Variants in GAPVD1 observed in about 807,000 individuals in gnomAD.
GAPVD1 encodes the protein GTPase activating protein and VPS9 domains 1, also known as GTPase-activating protein and VPS9 domain-containing protein 1.
A neutral mutation model predicts 155.5 loss-of-function variants in GAPVD1; 35 were observed. The ratio of observed to expected loss-of-function variants is 0.23; its 90% CI spans 0.17 to 0.30. The LOEUF is 0.30. Among genes scored for constraint, GAPVD1 ranks in the 10% least tolerant of loss-of-function variants. The probability of loss-of-function intolerance (pLI) is 1.00; values close to 1 mark genes in which losing one functional copy is unlikely to be tolerated. For missense variants in GAPVD1, 1,429 were observed against 1,775.7 expected (o/e 0.80, Z 3.51); for synonymous variants, 636 against 619.7 (o/e 1.03, Z -0.39).
intron 9 of GAPVD1, among the ~76,000 whole-genome samples, chr9:125,314,438 C>T (rs978244143): frequency 1.3e-5 from 2 of 152,038 alleles, no homozygotes; most frequent in Non-Finnish European, 2.9e-5. Context: ...GGTGGATCCC[C>T]CGAGGTCAGG....
At chr9:125,285,453 G>GTTTTTTTTTTTTT (rs10659223) in intron 2 of GAPVD1, among the ~76,000 whole-genome samples, 3 of 94,686 alleles carry the variant, frequency 3.2e-5, no homozygotes, top group Non-Finnish European at 4.0e-5. Flanking sequence ...TTTTTTCTTT[G>GTTTTTTTTTTTTT]TTTTTTTTTT....
intron 17 of GAPVD1, among the ~76,000 whole-genome samples, chr9:125,337,966 C>T (rs1382289574): frequency 6.6e-6 from 1 of 152,192 alleles, no homozygotes; most frequent in Non-Finnish European, 1.5e-5. Context: ...ACCTCCGCCT[C>T]CCAGGTTCAA....
Position 125,303,528 on chromosome 9 carries a change from G to T in GAPVD1, c.1029+702G>T, listed in dbSNP as rs1197465347. Reference sequence around the variant, plus strand: ...GCGGTGGCTTACGCCTGTAATCCCAGCACTTTGGGAGGCCGAGGCGGGCGG... The same window carrying T: ...GCGGTGGCTTACGCCTGTAATCCCATCACTTTGGGAGGCCGAGGCGGGCGG... On this transcript the variant is annotated intron_variant, in intron 5 of 27. Transcript: ENST00000297933. 2.6e-5 allele frequency among the ~76,000 whole-genome samples: 4 copies of T among 151,732 alleles called. No homozygotes were observed. The East Asian group carries it at 7.8e-4, about 30-fold the overall frequency.
At chr9:125,347,932 T>G (rs1194114315) in intron 20 of GAPVD1, among the ~76,000 whole-genome samples, 1 of 152,118 alleles carries the variant, frequency 6.6e-6, no homozygotes, top group Admixed American at 6.5e-5. Context: ...AGCAGAAGAA[T>G]TGAAAGAATA....
intron 2 of GAPVD1, among the ~76,000 whole-genome samples, chr9:125,271,530 C>T (rs886524165): frequency 5.3e-5 from 8 of 151,918 alleles, no homozygotes; most frequent in African/African-American, 9.7e-5. Flanking sequence ...TTATATTTTT[C>T]GGACTTAGAT....
chr9:125,316,345 A>G (rs553613978), intron 9 of GAPVD1, among the ~76,000 whole-genome samples: 50 of 152,116 alleles, frequency 3.3e-4, no homozygotes, highest in African/African-American at 1.1e-3. Flanking sequence ...TACCCCTGCG[A>G]CAGGCCCCAG....
chr9:125,350,958 A>G (rs1849209746), intron 23 of GAPVD1, 86 bp downstream of exon 23: 1 of 1,074,934 alleles, frequency 9.3e-7, no homozygotes, highest in East Asian at 2.4e-5. Context: ...AAATGAATCT[A>G]GGCTTCCTAC....
intron 2 of GAPVD1, among the ~76,000 whole-genome samples, chr9:125,290,097 A>G (rs1304613312): frequency 2.6e-5 from 4 of 152,170 alleles, no homozygotes; most frequent in African/African-American, 9.7e-5. Flanking sequence ...ATTGTTGAAC[A>G]CTAGTAGTTT....
intron 9 of GAPVD1, among the ~76,000 whole-genome samples, chr9:125,317,710 A>G (rs1278237023): frequency 1.3e-5 from 2 of 151,898 alleles, no homozygotes; most frequent in African/African-American, 4.8e-5. Flanking sequence ...AAGACTTTAA[A>G]TCAATTTTTT....
At chr9:125,338,116 C>T (rs369370096) in intron 17 of GAPVD1, among the ~76,000 whole-genome samples, 59 of 152,266 alleles carry the variant, frequency 3.9e-4, no homozygotes, top group South Asian at 1.9e-3. Flanking sequence ...CCTTGTGATC[C>T]GCCTGCCTTG....
chr9:125,318,070 C>T (rs1356620985), intron 9 of GAPVD1, among the ~76,000 whole-genome samples: 1 of 152,154 alleles, frequency 6.6e-6, no homozygotes, highest in Admixed American at 6.6e-5. Context: ...CTGCAGCCTC[C>T]GCCTCCCCTG....
intron 6 of GAPVD1, among the ~76,000 whole-genome samples, chr9:125,306,512 CT>C (rs549837560): frequency 4.7e-5 from 7 of 149,072 alleles, no homozygotes; most frequent in African/African-American, 4.9e-5. Context: ...TTGTTATTTT[CT>C]TTTTTTTTTG....
At chr9:125,344,855 C>T (rs900956782) in intron 19 of GAPVD1, among the ~76,000 whole-genome samples, 2 of 149,328 alleles carry the variant, frequency 1.3e-5, no homozygotes, top group African/African-American at 2.5e-5. Context: ...CCCTTCAAAA[C>T]AAGATTCTGT....
At position 125,302,813 on chromosome 9, in the gene GAPVD1, T is replaced by C; in HGVS notation, c.1016T>C (p.Phe339Ser). Residue 339 changes from phenylalanine (F) to serine (S), a missense_variant, in exon 5 of 28, where the codon TTT becomes TCT. This residue lies in a region of GAPVD1 where 628 missense variants were observed against 733.4 expected (regional missense o/e 0.86). Coordinates refer to ENST00000297933, the MANE Select transcript of GAPVD1 (RefSeq NM_001282680.3). ...GCTCCTATTAATGAAGTAGCACGAT[T>C]TAATCTGATGCAGGTATGCTTTTGC... ...SDAPINEVARFNLMQVGRLLQ... is the reference protein window; with the variant it reads ...SDAPINEVARSNLMQVGRLLQ... 1.3e-6 allele frequency: 2 copies of C among 1,599,196 alleles called. No homozygotes were observed. The highest frequency in any genetic ancestry group is 1.7e-6 in the Non-Finnish European group (2 of 1,172,478).
chr9:125,293,868 A>ATTT (rs1437472068), intron 2 of GAPVD1, among the ~76,000 whole-genome samples: 818 of 19,294 alleles, frequency 0.042, 23 homozygotes, highest in Middle Eastern at 0.071. Flanking sequence ...ATATATATAT[A>ATTT]TATATATATA....
chr9:125,327,944 C>T (rs1019154845), intron 12 of GAPVD1, among the ~76,000 whole-genome samples: 3 of 152,156 alleles, frequency 2.0e-5, no homozygotes, highest in Non-Finnish European at 4.4e-5. Context: ...CTTCTCTCCC[C>T]TCATTATGTT....
chr9:125,360,340 G>A (rs1051723694), intron 26 of GAPVD1, among the ~76,000 whole-genome samples, 188 bp from the exon 27 acceptor site: 2 of 152,156 alleles, frequency 1.3e-5, no homozygotes, highest in Non-Finnish European at 2.9e-5. Flanking sequence ...AAAATTCAGA[G>A]CAACTTATTT....
intron 19 of GAPVD1, 75 bp from the exon 20 acceptor site, chr9:125,346,744 C>G (rs781489582): frequency 2.6e-6 from 3 of 1,138,426 alleles, no homozygotes; most frequent in South Asian, 1.2e-5. Context: ...TGGGATTATG[C>G]TACTGGTGTC....
At chr9:125,263,410 C>G (rs772131967) in intron 1 of GAPVD1, 109 of 470,598 alleles carry the variant, frequency 2.3e-4, no homozygotes, top group South Asian at 5.2e-4. Context: ...GATCACGCCA[C>G]TGCACTCCAG....
Sources: allele counts gnomAD v4.1 joint callset (sites outside exome capture counted in the v4.1 genomes callset), GRCh38; gene constraint gnomAD v4.1.1; regional missense constraint gnomAD v4.1.1; transcripts MANE v1.5; gene names NCBI Gene and HGNC (gene_info 2026-07-23, HGNC 2026-07-21).